The following CNTNAP5 variants were observed in gnomAD, a reference collection of about 807,000 sequenced individuals.
The protein encoded by CNTNAP5 is contactin-associated protein-like 5.
Under a neutral mutation model 150.2 loss-of-function variants are expected in CNTNAP5, and 72 were observed. The observed-to-expected ratio is 0.48, with a 90% confidence interval of 0.40 to 0.58. The LOEUF (loss-of-function observed/expected upper bound fraction) is 0.58, where lower values mean the gene tolerates loss of function less well. Among genes scored for constraint, CNTNAP5 ranks in the 20% least tolerant of loss-of-function variants. The probability of loss-of-function intolerance (pLI) is 0.00; values close to 1 mark genes in which losing one functional copy is unlikely to be tolerated. For synonymous variants in CNTNAP5, 672 were observed against 619.8 expected (o/e 1.08, Z -1.25); for missense variants, 1,636 against 1,626.2 (o/e 1.01, Z -0.10).
At chr2:124,401,414 C>G (rs1474860571) in intron 3 of CNTNAP5, among the ~76,000 whole-genome samples, 1 of 152,146 alleles carries the variant, frequency 6.6e-6, no homozygotes, top group Non-Finnish European at 1.5e-5. Flanking sequence ...CATATTTTAT[C>G]TTCTAGTACT....
At chr2:124,524,160 TTCC>T in intron 8 of CNTNAP5, 140 bp from the exon 9 acceptor site, 1 of 654,996 alleles carries the variant, frequency 1.5e-6, no homozygotes, top group Non-Finnish European at 2.5e-6. Context: ...TTTATGAATC[TTCC>T]AAGGGCTTGT....
At chr2:124,830,757 A>AGCAGAGT (rs908835705) in intron 19 of CNTNAP5, among the ~76,000 whole-genome samples, 4 of 152,038 alleles carry the variant, frequency 2.6e-5, no homozygotes, top group Non-Finnish European at 5.9e-5. Flanking sequence ...AGGTCACAAC[A>AGCAGAGT]GCAGAGTTAG....
At chr2:124,901,362 A>T (rs1484931273) in intron 21 of CNTNAP5, among the ~76,000 whole-genome samples, 1 of 148,352 alleles carries the variant, frequency 6.7e-6, no homozygotes, top group African/African-American at 2.6e-5. Flanking sequence ...CTGTATTATC[A>T]GGATGAATTC....
At chr2:124,194,409 AT>A (rs1685533674) in intron 1 of CNTNAP5, among the ~76,000 whole-genome samples, 447 of 5,364 alleles carry the variant, frequency 0.083, 1 homozygote, top group Middle Eastern at 0.5. Flanking sequence ...ATATATATAT[AT>A]AAATATAAAT....
chr2:124,755,581 C>T (rs143998210), intron 14 of CNTNAP5, among the ~76,000 whole-genome samples: 454 of 152,272 alleles, frequency 3.0e-3, no homozygotes, highest in African/African-American at 0.01. Context: ...CTTTCATTCT[C>T]TCTGTCTTTG....
At chr2:124,693,947 T>C (rs1679352616) in intron 13 of CNTNAP5, among the ~76,000 whole-genome samples, 1 of 151,962 alleles carries the variant, frequency 6.6e-6, no homozygotes, top group African/African-American at 2.4e-5. Flanking sequence ...GTCCATTATC[T>C]GACCTAGCTG....
intron 17 of CNTNAP5, among the ~76,000 whole-genome samples, chr2:124,779,652 G>A (rs1054266664): frequency 9.2e-5 from 14 of 152,234 alleles, no homozygotes; most frequent in Admixed American, 8.5e-4. Flanking sequence ...TTTTTCCAAA[G>A]CACTGTTTCA....
At chr2:124,518,969 G>A (rs976897257) in intron 8 of CNTNAP5, among the ~76,000 whole-genome samples, 21 of 122,438 alleles carry the variant, frequency 1.7e-4, no homozygotes, top group African/African-American at 4.8e-4. Context: ...AGCCTGGGCC[G>A]CAAAGTGTAC....
At chr2:124,340,888 A>G (rs1689597373) in intron 3 of CNTNAP5, among the ~76,000 whole-genome samples, 1 of 145,080 alleles carries the variant, frequency 6.9e-6, no homozygotes, top group Non-Finnish European at 1.5e-5. Context: ...ATATATATAC[A>G]TATATATATA....
In CNTNAP5 at chr2:124,617,529, A is replaced by G. The variant is rs540232987; in HGVS notation, c.1876+7609A>G. On this transcript the variant is annotated intron_variant, in intron 12 of 23. Transcript: ENST00000682447. ...TGTTGTCACGTGGCCTTCTCCTCCC[A>G]TGTGCCTGTGTGTCCATTTCTTTTC... is the stretch of plus-strand genomic sequence containing the variant. 2.1e-3 allele frequency among the ~76,000 whole-genome samples: 324 copies of G among 152,044 alleles called. 2 individuals are homozygous for G. Among genetic ancestry groups the G allele is most frequent in the Admixed American group, 8.5e-3 (130 of 15,264 alleles).
chr2:124,266,231 A>G (rs1259674826), intron 3 of CNTNAP5, among the ~76,000 whole-genome samples: 2 of 152,200 alleles, frequency 1.3e-5, no homozygotes, highest in Non-Finnish European at 2.9e-5. Flanking sequence ...AGTTTGAGGC[A>G]TCTTGCACTA....
chr2:124,617,803 G>A (rs577885444), intron 12 of CNTNAP5, among the ~76,000 whole-genome samples: 1 of 152,240 alleles, frequency 6.6e-6, no homozygotes, highest in East Asian at 1.9e-4. Flanking sequence ...ACAATGACAA[G>A]GTGTGCATAG....
intron 1 of CNTNAP5, among the ~76,000 whole-genome samples, chr2:124,160,518 C>A (rs1684650255): frequency 2.6e-5 from 1 of 38,426 alleles, no homozygotes; most frequent in Non-Finnish European, 5.0e-5. Flanking sequence ...TGTTTTCTGT[C>A]TTTGCCTTTT....
chr2:124,223,661 T>A (rs982274593), intron 2 of CNTNAP5, among the ~76,000 whole-genome samples: 16 of 151,968 alleles, frequency 1.1e-4, no homozygotes, highest in Admixed American at 9.2e-4. Flanking sequence ...TGGGGGAAGC[T>A]GTGGGTCTGA....
At chr2:124,462,160 G>A (rs1187460637) in intron 6 of CNTNAP5, among the ~76,000 whole-genome samples, 1 of 152,026 alleles carries the variant, frequency 6.6e-6, no homozygotes, top group Non-Finnish European at 1.5e-5. Flanking sequence ...AAACGAACAG[G>A]ATTTGAGCCC....
chr2:124,387,595 C>T lies in CNTNAP5; in HGVS notation c.382-29848C>T, dbSNP rs150347875. 6.6e-3 allele frequency among the ~76,000 whole-genome samples: 1,000 copies of T among 151,982 alleles called. 4 individuals are homozygous for T. Among genetic ancestry groups the T allele is most frequent in the African/African-American group, 0.022 (930 of 41,414 alleles). On this transcript the variant is annotated intron_variant, in intron 3 of 23. Coordinates refer to ENST00000682447, the MANE Select transcript of CNTNAP5 (RefSeq NM_001367498.1). Reference sequence around the variant, plus strand: ...AAGGGTGGGGAGAATTACAAAGAACCTTCTTAAGGGTGGGGGAGATTACAA... The same window carrying T: ...AAGGGTGGGGAGAATTACAAAGAACTTTCTTAAGGGTGGGGGAGATTACAA...
intron 6 of CNTNAP5, among the ~76,000 whole-genome samples, chr2:124,471,165 A>G (rs1026691856): frequency 6.6e-6 from 1 of 152,176 alleles, no homozygotes; most frequent in African/African-American, 2.4e-5. Flanking sequence ...TTTGGGCAGT[A>G]TGGCCATTTT....
intron 6 of CNTNAP5, among the ~76,000 whole-genome samples, chr2:124,452,182 G>C (rs549418136): frequency 6.6e-6 from 1 of 152,204 alleles, no homozygotes; most frequent in East Asian, 1.9e-4. Flanking sequence ...CTTGGAAACA[G>C]ACTTGGTGCT....
At chr2:124,518,139 A>C in intron 8 of CNTNAP5, among the ~76,000 whole-genome samples, 1 of 152,116 alleles carries the variant, frequency 6.6e-6, no homozygotes, top group East Asian at 1.9e-4. Flanking sequence ...TTAAGCCCAA[A>C]CCCTACTCTT....
Sources: gnomAD v4.1 joint callset for allele counts (sites outside exome capture counted in the v4.1 genomes callset) on GRCh38, gnomAD v4.1.1 for gene constraint, MANE v1.5 for transcripts, NCBI Gene and HGNC (gene_info 2026-07-23, HGNC 2026-07-21) for gene names.